The following ASIC2 variants were observed in gnomAD, a reference collection of about 807,000 sequenced individuals.
The protein encoded by ASIC2 is acid sensing ion channel subunit 2.
ASIC2 carries 25 observed loss-of-function variants against 57.3 expected under a neutral mutation model. That is an observed-to-expected ratio of 0.44 (90% CI 0.32 to 0.61). The LOEUF (loss-of-function observed/expected upper bound fraction) is 0.61, where lower values mean the gene tolerates loss of function less well. Among genes scored for constraint, ASIC2 ranks in the 20% least tolerant of loss-of-function variants. The pLI, the probability that ASIC2 is intolerant of heterozygous loss-of-function variation, is 0.06. For synonymous variants in ASIC2, 319 were observed against 307.5 expected (o/e 1.04, Z -0.39); for missense variants, 641 against 738.1 (o/e 0.87, Z 1.52).
chr17:33,859,052 C>T (rs1462216404), intron 1 of ASIC2, among the ~76,000 whole-genome samples: 1 of 152,206 alleles, frequency 6.6e-6, no homozygotes, highest in Non-Finnish European at 1.5e-5. Flanking sequence ...TGAGTATGTA[C>T]TACATGCCAT....
At chr17:33,607,060 C>G (rs1597805509) in intron 1 of ASIC2, among the ~76,000 whole-genome samples, 3 of 152,082 alleles carry the variant, frequency 2.0e-5, no homozygotes, top group African/African-American at 7.2e-5. Flanking sequence ...ATCCCTAGTA[C>G]CAATTTGACC....
chr17:33,364,932 G>GTTGATCATC, intron 1 of ASIC2, among the ~76,000 whole-genome samples: 1 of 152,048 alleles, frequency 6.6e-6, no homozygotes, highest in East Asian at 1.9e-4. Context: ...AAGTATCTAG[G>GTTGATCATC]TTGATCATCC....
chr17:34,099,442 A>G (rs1567821273), intron 1 of ASIC2, among the ~76,000 whole-genome samples: 3 of 110,298 alleles, frequency 2.7e-5, no homozygotes, highest in Middle Eastern at 9.2e-3. Context: ...AAGAAAAGAA[A>G]GAGAAAGAAA....
intron 1 of ASIC2, among the ~76,000 whole-genome samples, chr17:33,560,856 A>G (rs1211984392): frequency 2.0e-5 from 3 of 152,196 alleles, no homozygotes; most frequent in African/African-American, 7.2e-5. Flanking sequence ...GATAAGTTAC[A>G]GTATCTGACT....
At chr17:33,213,446 G>GCTAAAA in intron 1 of ASIC2, among the ~76,000 whole-genome samples, 1 of 152,150 alleles carries the variant, frequency 6.6e-6, no homozygotes, top group Non-Finnish European at 1.5e-5. Context: ...AGTTTTCATG[G>GCTAAAA]GCCTGTTCTT....
At chr17:34,080,287 AT>A (rs1909829873) in intron 1 of ASIC2, among the ~76,000 whole-genome samples, 1 of 152,174 alleles carries the variant, frequency 6.6e-6, no homozygotes, top group African/African-American at 2.4e-5. Flanking sequence ...TGCAATGTCA[AT>A]TGTGCCCCTG....
At chr17:33,072,755 C>T (rs2092074367) in intron 3 of ASIC2, among the ~76,000 whole-genome samples, 1 of 152,194 alleles carries the variant, frequency 6.6e-6, no homozygotes, top group Non-Finnish European at 1.5e-5. Flanking sequence ...CTGTCCTAGA[C>T]TCTAGGGATG....
intron 1 of ASIC2, among the ~76,000 whole-genome samples, chr17:33,492,688 G>A (rs528288327): frequency 1.3e-5 from 2 of 152,294 alleles, no homozygotes; most frequent in Admixed American, 6.5e-5. Context: ...CCTATGACAT[G>A]GGCTGGCTTC....
chr17:34,137,793 C>T (rs1038636670), intron 1 of ASIC2, among the ~76,000 whole-genome samples: 1 of 152,078 alleles, frequency 6.6e-6, no homozygotes, highest in Non-Finnish European at 1.5e-5. Flanking sequence ...CTAGCTGTGT[C>T]CTCATGTGGT....
At chr17:33,241,540 C>A (rs1299046251) in intron 1 of ASIC2, among the ~76,000 whole-genome samples, 1 of 152,216 alleles carries the variant, frequency 6.6e-6, no homozygotes, top group African/African-American at 2.4e-5. Context: ...ACAAACCATG[C>A]CTCATAGAGA....
rs869177763 is a variant in ASIC2 at position 34,099,292 on chromosome 17, GAAGA to G, written c.555+56682_555+56685del. The stretch of plus-strand genomic sequence containing the variant: ...GAAAGAGGAAAGAAAAGAAAGGAAG[GAAGA>G]AAGAAAGAGAAAGAAAGAAAGGAAA... On this transcript the variant is annotated intron_variant, in intron 1 of 9. Transcript: ENST00000359872. Among the ~76,000 whole-genome samples the G allele has an allele frequency of 5.4e-4, 76 of 140,286 alleles. 1 individual carries two copies. Among genetic ancestry groups the G allele is most frequent in the African/African-American group, 1.7e-3 (63 of 37,340 alleles). The allele number at this position is 140,286 out of a possible 152,430, so 92.0% of individuals were successfully genotyped here.
chr17:34,115,326 GTGCACTAGAACTC>G (rs1312094533), intron 1 of ASIC2, among the ~76,000 whole-genome samples: 1 of 152,176 alleles, frequency 6.6e-6, no homozygotes, highest in East Asian at 1.9e-4. Flanking sequence ...CTGAATTGCA[GTGCACTAGAACTC>G]ATGTTTCCCA....
chr17:33,282,453 A>ATG (rs35692967), intron 1 of ASIC2, among the ~76,000 whole-genome samples: 75 of 147,548 alleles, frequency 5.1e-4, no homozygotes, highest in South Asian at 2.7e-3. Context: ...CTCTGTGTGT[A>ATG]TGTGTGTGTG....
intron 1 of ASIC2, among the ~76,000 whole-genome samples, chr17:33,260,602 C>T (rs189070011): frequency 2.6e-5 from 4 of 152,324 alleles, no homozygotes; most frequent in African/African-American, 4.8e-5. Context: ...CAAGGCAGAA[C>T]GCTTTTTCTC....
intron 1 of ASIC2, among the ~76,000 whole-genome samples, chr17:33,910,025 C>T (rs1342410198): frequency 6.6e-6 from 1 of 152,092 alleles, no homozygotes; most frequent in Non-Finnish European, 1.5e-5. Context: ...TAGCACCACC[C>T]TCGTTGAATT....
intron 3 of ASIC2, among the ~76,000 whole-genome samples, chr17:33,036,951 G>A (rs371269619): frequency 3.0e-4 from 45 of 152,168 alleles, no homozygotes; most frequent in Non-Finnish European, 4.3e-4. Context: ...ATTTAGAATC[G>A]GAGGGAGAAG....
intron 1 of ASIC2, among the ~76,000 whole-genome samples, chr17:34,082,946 T>C (rs1909949322): frequency 6.6e-6 from 1 of 152,230 alleles, no homozygotes; most frequent in Non-Finnish European, 1.5e-5. Context: ...TAAGGAGATA[T>C]GCTTCTCTTT....
intron 1 of ASIC2, among the ~76,000 whole-genome samples, chr17:33,611,581 A>ATT: frequency 6.6e-6 from 1 of 152,250 alleles, no homozygotes; most frequent in Non-Finnish European, 1.5e-5. Flanking sequence ...TCCAGAGCCC[A>ATT]GGTCAAGTGA....
intron 1 of ASIC2, among the ~76,000 whole-genome samples, chr17:33,957,845 A>G (rs763119316): frequency 6.6e-6 from 1 of 152,194 alleles, no homozygotes; most frequent in African/African-American, 2.4e-5. Flanking sequence ...AGAAGTCCAC[A>G]GTCCAAAGTC....
Sources: allele counts gnomAD v4.1 joint callset (sites outside exome capture counted in the v4.1 genomes callset), GRCh38; gene constraint gnomAD v4.1.1; transcripts MANE v1.5; gene names NCBI Gene and HGNC (gene_info 2026-07-23, HGNC 2026-07-21).